CCSER1: variants seen among roughly 807,000 people sequenced by gnomAD.
CCSER1 encodes the protein serine-rich coiled-coil domain-containing protein 1.
Under a neutral mutation model 82.0 loss-of-function variants are expected in CCSER1, and 41 were observed. The observed-to-expected ratio is 0.50, with a 90% CI of 0.39 to 0.65. The LOEUF (loss-of-function observed/expected upper bound fraction) is 0.65. Among genes scored for constraint, CCSER1 ranks in the 30% least tolerant of loss-of-function variants. The pLI is 0.00. For synonymous variants in CCSER1, 414 were observed against 383.9 expected, an observed-to-expected ratio of 1.08 and a Z score of -0.92; for missense variants, 1,119 against 1,064.2, an observed-to-expected ratio of 1.05 and a Z score of -0.72.
At chr4:90,448,226 G>A (rs1760930932) in intron 4 of CCSER1, among the ~76,000 whole-genome samples, 1 of 151,506 alleles carries the variant, frequency 6.6e-6, no homozygotes, top group African/African-American at 2.4e-5. Flanking sequence ...TGTCATACAT[G>A]TTTTCTTAGA....
chr4:90,914,745 C>G (rs1421733827), intron 8 of CCSER1, among the ~76,000 whole-genome samples: 2 of 142,390 alleles, frequency 1.4e-5, no homozygotes, highest in Non-Finnish European at 3.1e-5. Flanking sequence ...TTGAAAAGAT[C>G]AGCAAAATTG....
At chr4:90,205,614 G>A (rs990722956) in intron 1 of CCSER1, among the ~76,000 whole-genome samples, 8 of 152,236 alleles carry the variant, frequency 5.3e-5, no homozygotes, top group African/African-American at 1.9e-4. Context: ...TTTTATTGAG[G>A]ATTTTTGCAT....
intron 6 of CCSER1, among the ~76,000 whole-genome samples, chr4:90,631,101 G>T (rs1724324406): frequency 6.6e-6 from 1 of 151,920 alleles, no homozygotes. Flanking sequence ...CACTGCGTTG[G>T]CCAGGATGGT....
intron 8 of CCSER1, among the ~76,000 whole-genome samples, chr4:90,914,420 G>A (rs1726954356): frequency 6.6e-6 from 1 of 152,092 alleles, no homozygotes; most frequent in Non-Finnish European, 1.5e-5. Context: ...AATGAAGGCA[G>A]AAATAAAGAT....
intron 10 of CCSER1, among the ~76,000 whole-genome samples, chr4:91,188,932 C>T (rs890683456): frequency 6.6e-6 from 1 of 151,690 alleles, no homozygotes; most frequent in Non-Finnish European, 1.5e-5. Context: ...TTAATCATGA[C>T]AAAAAGAGTC....
At chr4:91,181,933 C>T (rs1018305586) in intron 10 of CCSER1, among the ~76,000 whole-genome samples, 8 of 152,068 alleles carry the variant, frequency 5.3e-5, no homozygotes, top group African/African-American at 7.2e-5. Flanking sequence ...TCAATATGCC[C>T]GATAAGTATA....
At chr4:91,008,794 A>G (rs1387400913) in intron 9 of CCSER1, among the ~76,000 whole-genome samples, 1 of 152,210 alleles carries the variant, frequency 6.6e-6, no homozygotes, top group Non-Finnish European at 1.5e-5. Context: ...TGATTCCAAA[A>G]TGGCAGCAGG....
chr4:90,898,269 CTTT>C (rs70963094), intron 8 of CCSER1, among the ~76,000 whole-genome samples: 199 of 52,350 alleles, frequency 3.8e-3, no homozygotes, highest in Middle Eastern at 0.02. Context: ...TTTAATCCAT[CTTT>C]TTTTTTTTTT....
rs550756444 is a variant in CCSER1, at chr4:91,017,352, A to G, written c.2173-68598A>G. The G allele has an allele frequency of 5.9e-5, 9 of 152,296 alleles. No individual in the cohort carries two copies. In the East Asian group the frequency reaches 1.7e-3, roughly 29 times the overall value. 9.4% of individuals were successfully genotyped at this position (152,296 alleles called of 1,614,324 possible). The stretch of plus-strand genomic sequence containing the variant: ...TAAAGACATTGTACATTAAACCTTG[A>G]TCTTCCATTGTATCCCTGTTAATTG... On this transcript the variant is annotated intron_variant, in intron 9 of 10. Coordinates refer to ENST00000509176, the MANE Select transcript of CCSER1 (RefSeq NM_001145065.2).
chr4:91,411,993 G>T (rs1187623537), intron 10 of CCSER1, among the ~76,000 whole-genome samples: 13 of 152,082 alleles, frequency 8.5e-5, no homozygotes, highest in African/African-American at 3.1e-4. Context: ...AAGAAGCAGG[G>T]TTAGGAGGTT....
intron 1 of CCSER1, among the ~76,000 whole-genome samples, chr4:90,211,582 G>A (rs994134155): frequency 5.3e-5 from 8 of 152,186 alleles, no homozygotes; most frequent in African/African-American, 1.9e-4. Context: ...TTCAAATGGA[G>A]TGGCAAAATC....
chr4:91,163,394 G>T (rs978075014), intron 10 of CCSER1, among the ~76,000 whole-genome samples: 1 of 151,926 alleles, frequency 6.6e-6, no homozygotes, highest in African/African-American at 2.4e-5. Context: ...GTGCTGACAA[G>T]AATGTATATT....
At chr4:91,522,327 G>C (rs113962897) in intron 10 of CCSER1, among the ~76,000 whole-genome samples, 106 of 152,218 alleles carry the variant, frequency 7.0e-4, no homozygotes, top group African/African-American at 2.4e-3. Context: ...CCTCAGCTTT[G>C]TTCTTTTTGC....
chr4:90,652,930 G>A (rs999650146), intron 6 of CCSER1, among the ~76,000 whole-genome samples: 14 of 152,110 alleles, frequency 9.2e-5, no homozygotes, highest in Admixed American at 6.5e-4. Context: ...GAAGGCTTCC[G>A]TGTATGCATG....
At chr4:90,148,603 A>G (rs995769577) in intron 1 of CCSER1, among the ~76,000 whole-genome samples, 13 of 152,170 alleles carry the variant, frequency 8.5e-5, no homozygotes, top group Non-Finnish European at 1.6e-4. Flanking sequence ...ACAACCAGGA[A>G]CAAAGCATTC....
At chr4:90,566,337 T>G (rs1423716445) in intron 5 of CCSER1, among the ~76,000 whole-genome samples, 1 of 152,114 alleles carries the variant, frequency 6.6e-6, no homozygotes, top group Non-Finnish European at 1.5e-5. Context: ...TTTCCTCTTC[T>G]GTTTTTTGGA....
intron 10 of CCSER1, among the ~76,000 whole-genome samples, chr4:91,381,107 A>G (rs898258309): frequency 6.6e-6 from 1 of 152,162 alleles, no homozygotes; most frequent in Non-Finnish European, 1.5e-5. Context: ...AGCTTCTGCC[A>G]TGAGATCCGC....
chr4:91,373,774 A>G (rs2149327491), intron 10 of CCSER1, among the ~76,000 whole-genome samples: 1 of 152,314 alleles, frequency 6.6e-6, no homozygotes, highest in East Asian at 1.9e-4. Flanking sequence ...AAAGCTGAGT[A>G]GGCCAAAGGT....
At chr4:90,686,328 G>A (rs191600757) in intron 6 of CCSER1, among the ~76,000 whole-genome samples, 1 of 152,144 alleles carries the variant, frequency 6.6e-6, no homozygotes, top group Admixed American at 6.5e-5. Flanking sequence ...CCTTCTAACT[G>A]CATTTTTAAA....
Sources: gnomAD v4.1 joint callset for allele counts (sites outside exome capture counted in the v4.1 genomes callset) on GRCh38, gnomAD v4.1.1 for gene constraint, MANE v1.5 for transcripts, NCBI Gene and HGNC (gene_info 2026-07-23, HGNC 2026-07-21) for gene names.